The following PHACTR2 variants were observed in gnomAD, a reference collection of about 807,000 sequenced individuals.
PHACTR2 encodes the protein phosphatase and actin regulator 2.
A neutral mutation model predicts 76.0 loss-of-function variants in PHACTR2; 30 were observed. That is an observed-to-expected ratio of 0.39 (90% CI 0.30 to 0.54). The LOEUF (loss-of-function observed/expected upper bound fraction) is 0.54. Ranked by LOEUF, PHACTR2 falls within the 20% of genes least tolerant of loss-of-function variation. PHACTR2 has a pLI of 0.61. For missense variants in PHACTR2, 696 were observed against 781.1 expected (o/e 0.89, Z 1.30); for synonymous variants, 292 against 292.5 (o/e 1.00, Z 0.02).
chr6:143,635,168 A>G (rs576387629), intron 1 of PHACTR2, among the ~76,000 whole-genome samples: 45 of 152,338 alleles, frequency 3.0e-4, no homozygotes, highest in African/African-American at 9.6e-4. Context: ...ATTAGATTAT[A>G]CATATTGTTA....
intron 1 of PHACTR2, among the ~76,000 whole-genome samples, chr6:143,665,096 G>C (rs1414593484): frequency 6.6e-6 from 1 of 152,144 alleles, no homozygotes; most frequent in Non-Finnish European, 1.5e-5. Flanking sequence ...ACCGCACCCA[G>C]CCTGGGTTCA....
rs1775780402 is a variant in PHACTR2, at chr6:143,794,365, T to G, written c.1845+5455T>G. Among the ~76,000 whole-genome samples, 1 of 151,356 alleles carries G rather than the reference T, an allele frequency of 6.6e-6. No individual in the cohort carries two copies. The highest frequency in any genetic ancestry group is 2.4e-5 in the African/African-American group (1 of 41,326). ...ATATATTTAGATCAGATTTAAAATA[T>G]TGTATTAAGTTAATTCATGTAAAAA... On this transcript the variant is annotated intron_variant, in intron 11 of 12. Coordinates refer to ENST00000440869, the MANE Select transcript of PHACTR2 (RefSeq NM_001100164.2). This position sits in a 1 kb window ranked among gnomAD's most constrained non-coding sequence, Gnocchi z 4.1.
At position 143,621,975 on chromosome 6, in the gene PHACTR2, G is replaced by T. The variant is rs779412229; in HGVS notation, c.13+13653G>T. Among the ~76,000 whole-genome samples the T allele has an allele frequency of 1.1e-4, 16 of 152,044 alleles. No individual in the cohort carries two copies. Among genetic ancestry groups the T allele is most frequent in the Non-Finnish European group, 2.1e-4 (14 of 68,022 alleles). ...TAATCTGCTGTTTTCTTCTTTTTGTGTGTGTGGTCTGGGAAACCAAATAAT... is the reference window on the plus strand; with the variant it reads ...TAATCTGCTGTTTTCTTCTTTTTGTTTGTGTGGTCTGGGAAACCAAATAAT... On this transcript the variant is annotated intron_variant, in intron 1 of 11. Coordinates refer to the PHACTR2 transcript ENST00000305766. This position sits in a 1 kb window ranked among gnomAD's most constrained non-coding sequence, Gnocchi z 4.1.
In PHACTR2 at chr6:143,570,393, T is replaced by C. The variant is rs1775433780; in HGVS notation, c.217+33186T>C. 6.6e-6 allele frequency among the ~76,000 whole-genome samples: 1 copy of C among 152,234 alleles called. No individual in the cohort carries two copies. Among genetic ancestry groups the C allele is most frequent in the East Asian group, 1.9e-4 (1 of 5,204 alleles). ...GTTTGTACTTCGGCTTCTCTCACTGTGCTGGAGATTAAAATGTGAGATGAG... is the reference window on the plus strand; with the variant it reads ...GTTTGTACTTCGGCTTCTCTCACTGCGCTGGAGATTAAAATGTGAGATGAG... On this transcript the variant is annotated intron_variant, in intron 1 of 11. Coordinates refer to the PHACTR2 transcript ENST00000367584. This position sits in a 1 kb window ranked among gnomAD's most constrained non-coding sequence, Gnocchi z 4.6.
chr6:143,663,618 A>G lies in PHACTR2; in HGVS notation c.14-48398A>G, dbSNP rs1269361870. 1.3e-5 allele frequency among the ~76,000 whole-genome samples: 2 copies of G among 152,122 alleles called. No individual in the cohort carries two copies. Among genetic ancestry groups the G allele is most frequent in the African/African-American group, 2.4e-5 (1 of 41,438 alleles). On this transcript the variant is annotated intron_variant, in intron 1 of 11. Coordinates refer to the PHACTR2 transcript ENST00000305766. The surrounding 1 kb of genome is among the most constrained non-coding windows in gnomAD (Gnocchi z 4.1). Reference sequence around the variant, plus strand: ...ACATTAGCTTAATTCTACATGTTTTATAGTGCTTTCATTGTTGTTTAGTTC... The same window carrying G: ...ACATTAGCTTAATTCTACATGTTTTGTAGTGCTTTCATTGTTGTTTAGTTC...
intron 1 of PHACTR2, among the ~76,000 whole-genome samples, chr6:143,657,591 C>T (rs548070378): frequency 3.3e-5 from 5 of 152,164 alleles, no homozygotes; most frequent in Non-Finnish European, 5.9e-5. Flanking sequence ...GAGATGAACA[C>T]GCAGGGCATT....
chr6:143,543,293 C>T lies in PHACTR2; in HGVS notation c.217+6086C>T, dbSNP rs115108661. Among the ~76,000 whole-genome samples, 2,909 of 152,304 alleles carry T rather than the reference C, an allele frequency of 0.019. 84 individuals are homozygous for T. Among genetic ancestry groups the T allele is most frequent in the African/African-American group, 0.065 (2,703 of 41,556 alleles). On this transcript the variant is annotated intron_variant, in intron 1 of 11. Coordinates refer to the PHACTR2 transcript ENST00000367584. The surrounding 1 kb of genome is among the most constrained non-coding windows in gnomAD (Gnocchi z 4.7). ...AGCCGTGGATTTATTCTGGCCCCTA[C>T]GTACTGATGAAGATGCTGTAGGCAA...
Position 143,583,197 on chromosome 6 carries a change from T to C in PHACTR2, c.217+45990T>C, listed in dbSNP as rs1775593744. ...GAATTCACCATGGCCACGGTAGTGA[T>C]AAAGAGCATTCCTCCACAATCCGTC... On this transcript the variant is annotated intron_variant, in intron 1 of 11. Coordinates refer to the PHACTR2 transcript ENST00000367584. The surrounding 1 kb of genome is among the most constrained non-coding windows in gnomAD (Gnocchi z 4.0). Among the ~76,000 whole-genome samples, 1 of 152,224 alleles carries C rather than the reference T, an allele frequency of 6.6e-6. No homozygotes were observed. Among genetic ancestry groups the C allele is most frequent in the South Asian group, 2.1e-4 (1 of 4,834 alleles).
chr6:143,571,459 C>T lies in PHACTR2; in HGVS notation c.217+34252C>T, dbSNP rs1233097248. Among the ~76,000 whole-genome samples the T allele has an allele frequency of 6.6e-6, 1 of 152,160 alleles. No individual in the cohort carries two copies. Among genetic ancestry groups the T allele is most frequent in the Non-Finnish European group, 1.5e-5 (1 of 68,040 alleles). On this transcript the variant is annotated intron_variant, in intron 1 of 11. Coordinates refer to the PHACTR2 transcript ENST00000367584. This position sits in a 1 kb window ranked among gnomAD's most constrained non-coding sequence, Gnocchi z 4.6. The stretch of plus-strand genomic sequence containing the variant: ...TCCAGCTCTGTCACCCAGGCTGGTG[C>T]AGTGGTGCAATCATAGCTCACTGTG...
intron 4 of PHACTR2, among the ~76,000 whole-genome samples, chr6:143,758,753 G>A (rs1779364156): frequency 6.6e-6 from 1 of 152,156 alleles, no homozygotes; most frequent in Non-Finnish European, 1.5e-5. Flanking sequence ...GACAGAAGAG[G>A]ATTTTGTGGC....
At position 143,801,301 on chromosome 6, in the gene PHACTR2, T is replaced by G. The variant is rs897936303; in HGVS notation, c.1846-5756T>G. On this transcript the variant is annotated intron_variant, in intron 11 of 12. Transcript: ENST00000440869. This position sits in a 1 kb window ranked among gnomAD's most constrained non-coding sequence, Gnocchi z 4.6. ...ATATCCTGAAGAGTGTTTTTCAACT[T>G]GGTTCTATTCTCCCCATCACTTTCA... Among the ~76,000 whole-genome samples the G allele has an allele frequency of 2.6e-5, 4 of 152,218 alleles. No homozygotes were observed. The highest frequency in any genetic ancestry group is 5.9e-5 in the Non-Finnish European group (4 of 68,034).
Position 143,581,916 on chromosome 6 carries a change from C to A in PHACTR2, c.217+44709C>A, listed in dbSNP as rs1209331502. The stretch of plus-strand genomic sequence containing the variant: ...ACCCAGTCTATTTTTTGCAGTTATA[C>A]ATGGGGATGGCAAAAGGCAGAATCC... On this transcript the variant is annotated intron_variant, in intron 1 of 11. Coordinates refer to the PHACTR2 transcript ENST00000367584. This position sits in a 1 kb window ranked among gnomAD's most constrained non-coding sequence, Gnocchi z 4.5. Among the ~76,000 whole-genome samples the A allele has an allele frequency of 6.6e-6, 1 of 152,096 alleles. No individual in the cohort carries two copies. Among genetic ancestry groups the A allele is most frequent in the Non-Finnish European group, 1.5e-5 (1 of 68,006 alleles).
In PHACTR2 at chr6:143,592,739, T is replaced by C. The variant is rs1404116064; in HGVS notation, c.217+55532T>C. Among the ~76,000 whole-genome samples, 3 of 152,030 alleles carry C rather than the reference T, an allele frequency of 2.0e-5. No individual in the cohort carries two copies. Among genetic ancestry groups the C allele is most frequent in the Non-Finnish European group, 4.4e-5 (3 of 68,002 alleles). ...TATTCATTGTCTACATTACACAAAT[T>C]AGCTATTGTTAAGAATCCCAACCTT... On this transcript the variant is annotated intron_variant, in intron 1 of 11. Transcript: ENST00000367584. The surrounding 1 kb of genome is among the most constrained non-coding windows in gnomAD (Gnocchi z 4.0).
In PHACTR2 at chr6:143,647,143, T is replaced by C. The variant is rs982205007; in HGVS notation, c.13+38821T>C. On this transcript the variant is annotated intron_variant, in intron 1 of 11. Coordinates refer to the PHACTR2 transcript ENST00000305766. This position sits in a 1 kb window ranked among gnomAD's most constrained non-coding sequence, Gnocchi z 4.2. ...GGTGCCGGGTTGCTGTTGACCTACA[T>C]TGATAATTGGAAATATTACAACTTA... Among the ~76,000 whole-genome samples the C allele has an allele frequency of 6.6e-6, 1 of 152,188 alleles. No homozygotes were observed.
intron 2 of PHACTR2, among the ~76,000 whole-genome samples, chr6:143,718,400 T>C (rs7757991): frequency 0.094 from 14,280 of 152,214 alleles, 2,242 homozygotes; most frequent in African/African-American, 0.33. Context: ...CACCTGGCAG[T>C]AGGCAAAGGC....
At chr6:143,773,922 G>T in intron 7 of PHACTR2, 137 bp from the exon 8 acceptor site, 4 of 575,814 alleles carry the variant, frequency 6.9e-6, no homozygotes, top group Middle Eastern at 3.3e-4. Context: ...TTTTTCCTTA[G>T]GTTAATTAAG....
chr6:143,569,247 C>T (rs1202662504), intron 1 of PHACTR2, among the ~76,000 whole-genome samples: 1 of 152,116 alleles, frequency 6.6e-6, no homozygotes, highest in African/African-American at 2.4e-5. Flanking sequence ...GCATAATTCT[C>T]CAGGCTTTCT....
chr6:143,654,673 G>A lies in PHACTR2; in HGVS notation c.13+46351G>A, dbSNP rs1320886500. On this transcript the variant is annotated intron_variant, in intron 1 of 11. Transcript: ENST00000305766. The surrounding 1 kb of genome is among the most constrained non-coding windows in gnomAD (Gnocchi z 4.6). ...TAAAAAATTAGCCAAGCATGGTGGT[G>A]CACGCCTGTAGTCCTAGTGACTTGG... Among the ~76,000 whole-genome samples the A allele has an allele frequency of 6.6e-6, 1 of 151,960 alleles. No homozygotes were observed. Among genetic ancestry groups the A allele is most frequent in the African/African-American group, 2.4e-5 (1 of 41,350 alleles).
intron 6 of PHACTR2, among the ~76,000 whole-genome samples, chr6:143,771,633 C>T (rs918144261): frequency 6.6e-6 from 1 of 151,610 alleles, no homozygotes; most frequent in Non-Finnish European, 1.5e-5. Context: ...AGACAAGGTC[C>T]CCTATGTTGC....
Sources: gnomAD v4.1 joint callset for allele counts (sites outside exome capture counted in the v4.1 genomes callset) on GRCh38, gnomAD v4.1.1 for gene constraint, Gnocchi (gnomAD v3.1) non-coding constraint, MANE v1.5 for transcripts, NCBI Gene and HGNC (gene_info 2026-07-23, HGNC 2026-07-21) for gene names.